The following ARHGEF1 variants were observed in gnomAD, a reference collection of about 807,000 sequenced individuals.
The protein encoded by ARHGEF1 is 115 kDa guanine nucleotide exchange factor.
In ARHGEF1, 40 loss-of-function variants were observed where a neutral mutation model predicts 119.7. That is an observed-to-expected ratio of 0.33 (90% CI 0.26 to 0.44). ARHGEF1 has a LOEUF of 0.44. Ranked by LOEUF, ARHGEF1 falls within the 20% of genes least tolerant of loss-of-function variation. The pLI is 1.00. For missense variants in ARHGEF1, 976 were observed against 1,268.3 expected, an observed-to-expected ratio of 0.77 and a Z score of 3.50; for synonymous variants, 494 against 521.0, an observed-to-expected ratio of 0.95 and a Z score of 0.71.
intron 13 of ARHGEF1, chr19:41,897,091 C>G (rs1568817938): frequency 2.8e-6 from 1 of 362,578 alleles, no homozygotes; most frequent in South Asian, 1.9e-5. Flanking sequence ...CCCCTGCCCC[C>G]TGCCCCCCAC....
rs143635624 is a variant in ARHGEF1 at position 41,901,216 on chromosome 19, C to G, written c.1268-671C>G. Among the ~76,000 whole-genome samples the G allele has an allele frequency of 4.9e-4, 74 of 152,074 alleles. No homozygotes were observed. The South Asian group carries it at 7.5e-3, about 15-fold the overall frequency. On this transcript the variant is annotated intron_variant, in intron 14 of 28. Coordinates refer to ENST00000354532, the MANE Select transcript of ARHGEF1 (RefSeq NM_004706.4). ...CCAGGCTGGAGTGCAGTGGTGTGAT[C>G]TCAGCTCACTGCAACCTCTGTCTCC...
chr19:41,884,613 C>A (rs1408066391), intron 1 of ARHGEF1: 1 of 1,358,308 alleles, frequency 7.4e-7, no homozygotes. Flanking sequence ...AGACCCGCCA[C>A]GTCCATGTAA....
chr19:41,926,371 A>G (rs1469782341), intron 1 of ARHGEF1, among the ~76,000 whole-genome samples: 1 of 152,060 alleles, frequency 6.6e-6, no homozygotes, highest in African/African-American at 2.4e-5. Flanking sequence ...GTATGAGGAG[A>G]TAGATGTTAC....
At chr19:41,911,648 C>A (rs1186819696), downstream of ARHGEF1, among the ~76,000 whole-genome samples, 1 of 152,118 alleles carries the variant, frequency 6.6e-6, no homozygotes, top group Non-Finnish European at 1.5e-5. Context: ...TTCTCACCTC[C>A]CATGACAGGG....
rs1555846440 is a variant in ARHGEF1 at position 41,892,552 on chromosome 19, G to A, written c.368-51G>A. The A allele has an allele frequency of 6.4e-7, 1 of 1,564,334 alleles. No homozygotes were observed. The highest frequency in any genetic ancestry group is 8.7e-7 in the Non-Finnish European group (1 of 1,151,100). On this transcript the variant is annotated intron_variant, in intron 6 of 28. Coordinates refer to ENST00000354532, the MANE Select transcript of ARHGEF1 (RefSeq NM_004706.4). This position sits in a 1 kb window ranked among gnomAD's most constrained non-coding sequence, Gnocchi z 6.3. The stretch of plus-strand genomic sequence containing the variant: ...GAGTCCAAGGGTGGGTGGGGACCGT[G>A]GTCCAAGCCACCAGGGAGCTGGACC...
At position 41,904,868 on chromosome 19, in the gene ARHGEF1, G is replaced by C; in HGVS notation, c.2162-81G>C. ...CCCTGAGAGCGCCACCACTGTGGGTGACTTCTCCAGCTTGTGCTTAGGGAG... is the reference window on the plus strand; with the variant it reads ...CCCTGAGAGCGCCACCACTGTGGGTCACTTCTCCAGCTTGTGCTTAGGGAG... On this transcript the variant is annotated intron_variant, in intron 22 of 28. Transcript: ENST00000354532. This position sits in a 1 kb window ranked among gnomAD's most constrained non-coding sequence, Gnocchi z 8.4. 1.6e-6 allele frequency: 2 copies of C among 1,229,140 alleles called. No individual in the cohort carries two copies. The highest frequency in any genetic ancestry group is 2.4e-6 in the Non-Finnish European group (2 of 834,634). 76.1% of individuals were successfully genotyped at this position (1,229,140 alleles called of 1,614,324 possible). A position where few individuals can be genotyped will look rare whatever the true frequency, so the allele number is the denominator to read the frequency against.
At position 41,897,025 on chromosome 19, in the gene ARHGEF1, C is replaced by T. The variant is rs782441705; in HGVS notation, c.1121+543C>T. ...TCTTTCCCCACCTTCCATCCCCCTC[C>T]GATCTCCCTGCCACTTTTCATTTTT... On this transcript the variant is annotated intron_variant, in intron 13 of 28. Transcript: ENST00000354532. The T allele has an allele frequency of 1.0e-4, 46 of 441,404 alleles. 1 individual carries two copies. Among genetic ancestry groups the T allele is most frequent in the South Asian group, 4.6e-4 (29 of 63,310 alleles). 27.3% of individuals were successfully genotyped at this position (441,404 alleles called of 1,614,324 possible).
chr19:41,884,551 A>C (rs957903650), intron 1 of ARHGEF1: 1 of 1,593,444 alleles, frequency 6.3e-7, no homozygotes, highest in South Asian at 1.1e-5. Flanking sequence ...CCTCCCCGGC[A>C]TCCCTGGCCG....
rs782791739 is a variant in ARHGEF1 at position 41,892,336 on chromosome 19, C to T, written c.330C>T (p.Leu110=). 1 of 1,613,992 alleles carries T rather than the reference C, an allele frequency of 6.2e-7. No individual in the cohort carries two copies. Among genetic ancestry groups the T allele is most frequent in the Non-Finnish European group, 8.5e-7 (1 of 1,180,028 alleles). ...CCATTCTCTCTCTTGAGCAGGTTCTCCGGGTGCCGGTCCCTCCCAACGTCG... is the reference window on the plus strand; with the variant it reads ...CCATTCTCTCTCTTGAGCAGGTTCTTCGGGTGCCGGTCCCTCCCAACGTCG... ...YHSFLEKTAV[L]RVPVPPNVAF... is the part of the protein sequence containing the mutation. Residue 110 remains leucine (L), a synonymous_variant, in exon 6 of 29, where the codon CTC becomes CTT. Transcript: ENST00000354532. This position sits in a 1 kb window ranked among gnomAD's most constrained non-coding sequence, Gnocchi z 6.3.
chr19:41,907,941 C>A, downstream of ARHGEF1: 1 of 210,782 alleles, frequency 4.7e-6, no homozygotes. Flanking sequence ...GGTGGGCGGG[C>A]GGGGCAGGCT....
In ARHGEF1 at chr19:41,916,133, C is replaced by T. The variant is rs1318742506; in HGVS notation, c.1866-6959C>T. Among the ~76,000 whole-genome samples, 2 of 152,032 alleles carry T rather than the reference C, an allele frequency of 1.3e-5. No individual in the cohort carries two copies. Among genetic ancestry groups the T allele is most frequent in the Non-Finnish European group, 2.9e-5 (2 of 67,990 alleles). Reference sequence around the variant, plus strand: ...GGCGAGGGCCCTCCTCCCTTCTCTCCCTGCCAAGCACAACCACACAGACCC... The same window carrying T: ...GGCGAGGGCCCTCCTCCCTTCTCTCTCTGCCAAGCACAACCACACAGACCC... On this transcript the variant is annotated intron_variant, in intron 18 of 20. Coordinates refer to the ARHGEF1 transcript ENST00000599589. The surrounding 1 kb of genome is among the most constrained non-coding windows in gnomAD (Gnocchi z 5.4).
chr19:41,907,929 G>A, downstream of ARHGEF1: 1 of 330,150 alleles, frequency 3.0e-6, no homozygotes, highest in African/African-American at 2.2e-5. Context: ...GCATAGCACA[G>A]GGGTGGGCGG....
At chr19:41,895,868 C>A (rs6509003) in intron 12 of ARHGEF1, among the ~76,000 whole-genome samples, 1 of 152,128 alleles carries the variant, frequency 6.6e-6, no homozygotes, top group Non-Finnish European at 1.5e-5. Flanking sequence ...CCTCACCATC[C>A]TTACACTGCT....
chr19:41,915,399 C>T (rs185668008), intron 18 of ARHGEF1, among the ~76,000 whole-genome samples: 41 of 151,890 alleles, frequency 2.7e-4, no homozygotes, highest in Admixed American at 2.2e-3. Flanking sequence ...GCCCTGTCCC[C>T]GTCCGTCTGT....
rs373987366 is a variant in ARHGEF1, at chr19:41,905,494, CAT to C, written c.2336+236_2336+237del. On this transcript the variant is annotated intron_variant, in intron 24 of 28. Coordinates refer to ENST00000354532, the MANE Select transcript of ARHGEF1 (RefSeq NM_004706.4). This position sits in a 1 kb window ranked among gnomAD's most constrained non-coding sequence, Gnocchi z 6.4. ...TGTGCGTGTATGGTGTGTGTGTATGCATATGTGTGCATGCGTGTGACAGCATG... is the reference window on the plus strand; with the variant it reads ...TGTGCGTGTATGGTGTGTGTGTATGCATGTGTGCATGCGTGTGACAGCATG... The C allele has an allele frequency of 9.0e-4, 549 of 612,464 alleles. 9 individuals are homozygous for C. In the South Asian group the frequency reaches 9.5e-3, roughly 11 times the overall value. The allele number at this position is 612,464 out of a possible 1,614,324, so 37.9% of individuals were successfully genotyped here. A position where few individuals can be genotyped will look rare whatever the true frequency, so the allele number is the denominator to read the frequency against.
rs1432363066 is a variant in ARHGEF1 at position 41,903,991 on chromosome 19, AC to A, written c.1918-39del. 9.7e-6 allele frequency: 15 copies of A among 1,539,754 alleles called. No homozygotes were observed. Among genetic ancestry groups the A allele is most frequent in the Admixed American group, 1.7e-5 (1 of 57,290 alleles). On this transcript the variant is annotated intron_variant, in intron 20 of 28. Coordinates refer to ENST00000354532, the MANE Select transcript of ARHGEF1 (RefSeq NM_004706.4). This position sits in a 1 kb window ranked among gnomAD's most constrained non-coding sequence, Gnocchi z 4.2. ...CTTCCCCTCCCCACCAACCCCAATC[AC>A]CCCCTGCCAACCTGCACAAACCATC...
chr19:41,909,500 G>A, downstream of ARHGEF1: 1 of 1,255,654 alleles, frequency 8.0e-7, no homozygotes, highest in Non-Finnish European at 1.0e-6. This position sits in a 1 kb window ranked among gnomAD's most constrained non-coding sequence, Gnocchi z 5.2. Context: ...TGTTGGGGAG[G>A]TGCAGGGGGA....
chr19:41,909,988 G>A (rs992275883), downstream of ARHGEF1: 45 of 1,613,662 alleles, frequency 2.8e-5, no homozygotes, highest in Admixed American at 1.5e-4. The surrounding 1 kb of genome is among the most constrained non-coding windows in gnomAD (Gnocchi z 5.2). Flanking sequence ...AGGCTATGAC[G>A]CCCTGGTACT....
chr19:41,907,900 G>A (rs1488112531), downstream of ARHGEF1: 12 of 192,676 alleles, frequency 6.2e-5, no homozygotes, highest in African/African-American at 5.2e-4. Context: ...TTGGAGACAC[G>A]GCCACACAAA....
Sources: allele counts gnomAD v4.1 joint callset (sites outside exome capture counted in the v4.1 genomes callset), GRCh38; gene constraint gnomAD v4.1.1; non-coding constraint Gnocchi (gnomAD v3.1); transcripts MANE v1.5; gene names NCBI Gene and HGNC (gene_info 2026-07-23, HGNC 2026-07-21).